The following WDR26 variants were observed in gnomAD, a reference collection of about 807,000 sequenced individuals.
The protein encoded by WDR26 is WD repeat-containing protein 26.
WDR26 carries 5 observed loss-of-function variants against 84.1 expected under a neutral mutation model. The ratio of observed to expected loss-of-function variants is 0.06; its 90% CI spans 0.03 to 0.13. The LOEUF is 0.13. Among genes scored for constraint, WDR26 ranks in the 10% least tolerant of loss-of-function variants. The probability of loss-of-function intolerance (pLI) is 1.00; values close to 1 mark genes in which losing one functional copy is unlikely to be tolerated. For synonymous variants in WDR26, 415 were observed against 389.6 expected, an observed-to-expected ratio of 1.07 and a Z score of -0.77; for missense variants, 642 against 974.9, an observed-to-expected ratio of 0.66 and a Z score of 4.55.
chr1:224,393,821 G>C lies in WDR26; in HGVS notation c.2260+7C>G. On this transcript the variant is annotated splice_region_variant and intron_variant, in intron 13 of 13. Coordinates refer to ENST00000414423, the MANE Select transcript of WDR26 (RefSeq NM_001379403.1). ...CAAAACATAGTAACATTATACAAAG[G>C]TATTACCTTCAATATTCTGGTGGTC... 1.3e-6 allele frequency: 2 copies of C among 1,527,450 alleles called. No homozygotes were observed. Among genetic ancestry groups the C allele is most frequent in the Non-Finnish European group, 8.9e-7 (1 of 1,117,618 alleles). 94.6% of individuals were successfully genotyped at this position (1,527,450 alleles called of 1,614,324 possible). A position where few individuals can be genotyped will look rare whatever the true frequency, so the allele number is the denominator to read the frequency against.
At position 224,427,103 on chromosome 1, in the gene WDR26, C is replaced by CAAAA. The variant is rs769063024; in HGVS notation, c.928-2450_928-2449insTTTT. Among the ~76,000 whole-genome samples the CAAAA allele has an allele frequency of 7.2e-4, 66 of 91,170 alleles. 7 individuals carry two copies. The highest frequency in any genetic ancestry group is 1.1e-3 in the African/African-American group (25 of 23,150). 59.8% of individuals were successfully genotyped at this position (91,170 alleles called of 152,430 possible). A position where few individuals can be genotyped will look rare whatever the true frequency, so the allele number is the denominator to read the frequency against. ...GGGCAACGAGAGCAAAACTCTGTCT[C>CAAAA]CAAAAAAAAAAAAAAAAAAAAAAAG... On this transcript the variant is annotated intron_variant, in intron 3 of 13. Transcript: ENST00000414423.
rs1403821065 is a variant in WDR26, at chr1:224,433,668, G to A, written c.722+16C>T. ...CTCGGTCTGTCCATCACCAGCTGGC[G>A]GTAAGGGATACTTACTTGAGCCCTA... On this transcript the variant is annotated intron_variant, in intron 1 of 13. Coordinates refer to ENST00000414423, the MANE Select transcript of WDR26 (RefSeq NM_001379403.1). 10 of 1,221,010 alleles carry A rather than the reference G, an allele frequency of 8.2e-6. No individual in the cohort carries two copies. The highest frequency in any genetic ancestry group is 2.9e-5 in the South Asian group (2 of 69,278). 75.6% of individuals were successfully genotyped at this position (1,221,010 alleles called of 1,614,324 possible). A position where few individuals can be genotyped will look rare whatever the true frequency, so the allele number is the denominator to read the frequency against.
intron 6 of WDR26, among the ~76,000 whole-genome samples, chr1:224,415,521 C>T (rs574121918): frequency 1.5e-5 from 2 of 132,514 alleles, no homozygotes; most frequent in East Asian, 2.3e-4. Flanking sequence ...AGTGCAGTGG[C>T]GTGATCTCTG....
At chr1:224,428,686 C>T (rs1465226289) in intron 3 of WDR26, among the ~76,000 whole-genome samples, 1 of 149,824 alleles carries the variant, frequency 6.7e-6, no homozygotes, top group Non-Finnish European at 1.5e-5. Context: ...CACCTGAGGT[C>T]AGGAGTTCGA....
rs140954238 is a variant in WDR26 at position 224,407,339 on chromosome 1, C to T, written c.1459-2769G>A. 8.8e-3 allele frequency among the ~76,000 whole-genome samples: 1,291 copies of T among 146,668 alleles called. 17 individuals carry two copies. The highest frequency in any genetic ancestry group is 0.077 in the Middle Eastern group (22 of 284). On this transcript the variant is annotated intron_variant, in intron 7 of 13. Transcript: ENST00000414423. ...CCTATATGACCTTGCTTGGATTCTG[C>T]GGGGAATGGGTAAAATTCATCTTTT...
chr1:224,418,280 A>C lies in WDR26; in HGVS notation c.1299T>G (p.Leu433=), dbSNP rs1354968573. The change falls in exon 6 of 14, where the codon CTT becomes CTG. Residue 433 remains leucine (L), a synonymous_variant. Coordinates refer to ENST00000414423, the MANE Select transcript of WDR26 (RefSeq NM_001379403.1). ...CTTACCTACTACAAACATGGTCTATAAGCAGAGACACAGAATCTAGATTAT... is the reference window on the plus strand; with the variant it reads ...CTTACCTACTACAAACATGGTCTATCAGCAGAGACACAGAATCTAGATTAT... 1 of 1,611,736 alleles carries C rather than the reference A, an allele frequency of 6.2e-7. No individual in the cohort carries two copies. The highest frequency in any genetic ancestry group is 1.7e-5 in the Admixed American group (1 of 59,512).
At chr1:224,414,431 C>T (rs867398850) in intron 6 of WDR26, among the ~76,000 whole-genome samples, 1 of 152,006 alleles carries the variant, frequency 6.6e-6, no homozygotes, top group African/African-American at 2.4e-5. Context: ...ATCTAATAAA[C>T]CTTTTCAATG....
In WDR26 at chr1:224,393,839, T is replaced by C. The variant is rs752459782; in HGVS notation, c.2249A>G (p.Gln750Arg). 2 of 1,542,412 alleles carry C rather than the reference T, an allele frequency of 1.3e-6. No individual in the cohort carries two copies. The highest frequency in any genetic ancestry group is 1.7e-5 in the Admixed American group (1 of 58,502). Reference sequence around the variant, plus strand: ...TACAAAGGTATTACCTTCAATATTCTGGTGGTCTATAAAAGGTGCTGGTCC... The same window carrying C: ...TACAAAGGTATTACCTTCAATATTCCGGTGGTCTATAAAAGGTGCTGGTCC... The change falls in exon 13 of 14, where the codon CAG (glutamine) becomes CGG (arginine). Residue 750 changes from glutamine (Q) to arginine (R), a missense_variant. Coordinates refer to ENST00000414423, the MANE Select transcript of WDR26 (RefSeq NM_001379403.1).
In WDR26 at chr1:224,389,391, C is replaced by G. The variant is rs1389108909; in HGVS notation, c.*444G>C. On this transcript the variant is annotated 3_prime_UTR_variant, in exon 14 of 14. Transcript: ENST00000414423. ...GAGAAACAAAAGAAGGAAATTCTTT[C>G]CTATCCAATGTATACTCTTCAGACT... 1 of 329,076 alleles carries G rather than the reference C, an allele frequency of 3.0e-6. No homozygotes were observed. Among genetic ancestry groups the G allele is most frequent in the Non-Finnish European group, 5.4e-6 (1 of 183,880 alleles). The allele number at this position is 329,076 out of a possible 1,614,324, so 20.4% of individuals were successfully genotyped here. A position where few individuals can be genotyped will look rare whatever the true frequency, so the allele number is the denominator to read the frequency against.
chr1:224,406,926 AGCCTG>A (rs1369638322), intron 7 of WDR26, among the ~76,000 whole-genome samples: 1 of 151,490 alleles, frequency 6.6e-6, no homozygotes. Context: ...GTTTCAGACC[AGCCTG>A]GCCAATGTGG....
intron 9 of WDR26, among the ~76,000 whole-genome samples, chr1:224,399,302 CAAAG>C (rs1260071988): frequency 6.6e-6 from 1 of 152,048 alleles, no homozygotes. Flanking sequence ...ATAAATAACA[CAAAG>C]AAAGAAACAG....
At chr1:224,429,872 TAAG>T (rs901789554) in intron 3 of WDR26, 4 of 152,010 alleles carry the variant, frequency 2.6e-5, no homozygotes, top group African/African-American at 4.8e-5. Context: ...TATAAACAAA[TAAG>T]AAAAAAATAG....
intron 7 of WDR26, among the ~76,000 whole-genome samples, chr1:224,405,230 G>A (rs1673520283): frequency 6.6e-6 from 1 of 152,034 alleles, no homozygotes; most frequent in South Asian, 2.1e-4. Context: ...TGTTTTCAGG[G>A]TTCATCCGTG....
intron 13 of WDR26, among the ~76,000 whole-genome samples, chr1:224,390,542 A>G (rs1325375847): frequency 1.3e-5 from 2 of 152,372 alleles, no homozygotes; most frequent in Middle Eastern, 3.4e-3. Flanking sequence ...ATAACGTGTT[A>G]TAACTATGGA....
intron 1 of WDR26, 65 bp downstream of exon 1, chr1:224,433,619 C>G: frequency 1.7e-6 from 2 of 1,170,080 alleles, no homozygotes; most frequent in African/African-American, 1.6e-5. Context: ...CGCCCCTTCC[C>G]CTACCCCCCT....
In WDR26 at chr1:224,404,600, C is replaced by A. The variant is rs915968819; in HGVS notation, c.1459-30G>T. 9 of 1,589,042 alleles carry A rather than the reference C, an allele frequency of 5.7e-6. No homozygotes were observed. In the African/African-American group the frequency reaches 8.1e-5, roughly 14 times the overall value. On this transcript the variant is annotated intron_variant, in intron 7 of 13. Transcript: ENST00000414423. Reference sequence around the variant, plus strand: ...GAGGGAAAATAAACAATTCAGTTAACCCCTATCACTAAAGTCATTGTTTCC... The same window carrying A: ...GAGGGAAAATAAACAATTCAGTTAAACCCTATCACTAAAGTCATTGTTTCC...
chr1:224,395,108 T>A lies in WDR26; in HGVS notation c.2075-1095A>T, dbSNP rs144204213. On this transcript the variant is annotated intron_variant, in intron 12 of 13. Transcript: ENST00000414423. ...TCTGGAATCAGACTACTCAACATTG[T>A]ATCCTTCCTCCAACACTGACTAGCT... 5.3e-3 allele frequency among the ~76,000 whole-genome samples: 803 copies of A among 152,328 alleles called. 12 individuals are homozygous for A. Among genetic ancestry groups the A allele is most frequent in the African/African-American group, 0.018 (760 of 41,586 alleles).
chr1:224,425,741 G>A (rs537993873), intron 3 of WDR26, among the ~76,000 whole-genome samples: 1 of 152,274 alleles, frequency 6.6e-6, no homozygotes, highest in Admixed American at 6.5e-5. Flanking sequence ...TGTAAACAGA[G>A]ACATCAGTAG....
intron 6 of WDR26, chr1:224,413,381 G>T: frequency 1.9e-6 from 2 of 1,048,416 alleles, no homozygotes; most frequent in East Asian, 6.0e-5. Context: ...TTCTTTATTT[G>T]GTACACATGG....
Sources: gnomAD v4.1 joint callset for allele counts (sites outside exome capture counted in the v4.1 genomes callset) on GRCh38, gnomAD v4.1.1 for gene constraint, MANE v1.5 for transcripts, NCBI Gene and HGNC (gene_info 2026-07-23, HGNC 2026-07-21) for gene names.